Variants in SYNE1 observed in about 807,000 individuals in gnomAD.
The protein encoded by SYNE1 is nesprin-1.
SYNE1 carries 616 observed loss-of-function variants against 1,111.0 expected under a neutral mutation model. That is an observed-to-expected ratio of 0.55 (90% CI 0.52 to 0.59). The LOEUF (loss-of-function observed/expected upper bound fraction) is 0.59. SYNE1 is among the 20% of genes least tolerant of loss of function. The pLI is 0.00. For missense variants in SYNE1, 10,006 were observed against 10,417.0 expected, an observed-to-expected ratio of 0.96 and a Z score of 1.72; for synonymous variants, 3,855 against 3,825.8, an observed-to-expected ratio of 1.01 and a Z score of -0.28.
chr6:152,409,681 A>G lies in SYNE1; in HGVS notation c.6259T>C (p.Leu2087=). The change falls in exon 43 of 146, where the codon TTA becomes CTA. Residue 2087 remains leucine (L), a synonymous_variant. Transcript: ENST00000367255. ...TTCAGGTTCTGATATTCTCTCATTA[A>G]GTCAATAAGTCCACAGCACTGACCC... ...NQGQCCGLID[L]MREYQNLKSA... The G allele has an allele frequency of 6.2e-7, 1 of 1,613,800 alleles. No homozygotes were observed. The highest frequency in any genetic ancestry group is 1.3e-5 in the African/African-American group (1 of 75,050).
Position 152,430,631 on chromosome 6 carries a change from C to A in SYNE1, c.4540G>T (p.Val1514Phe). ...ATTCGAGCAGATTCTCCAGTGGTAACAAACTGAGCAAAAGACTGGGCTTCT... is the reference window on the plus strand; with the variant it reads ...ATTCGAGCAGATTCTCCAGTGGTAAAAAACTGAGCAAAAGACTGGGCTTCT... ...EEEAQSFAQF[V>F]TTGESARIKA... The change falls in exon 35 of 146, where the codon GTT becomes TTT. Residue 1514 changes from valine to phenylalanine, a missense_variant. Coordinates refer to ENST00000367255, the MANE Select transcript of SYNE1 (RefSeq NM_182961.4). 6.2e-7 allele frequency: 1 copy of A among 1,614,136 alleles called. No individual in the cohort carries two copies.
chr6:152,390,369 G>T lies in SYNE1; in HGVS notation c.8088C>A (p.Asn2696Lys). ...GKGEQALRSSNKEGQRVIQTQ... is the reference protein window; with the variant it reads ...GKGEQALRSSKKEGQRVIQTQ... The stretch of plus-strand genomic sequence containing the variant: ...TCTGAATCACCCTCTGACCTTCTTT[G>T]TTGCTACTTCTCAAGGCCTGTTCCC... The change falls in exon 53 of 146, where the codon AAC becomes AAA. Residue 2696 changes from asparagine to lysine, a missense_variant. Asn to Lys is a moderately conservative substitution (Grantham distance 94). This residue lies in a region of SYNE1 where 4,955 missense variants were observed against 5,017.2 expected (regional missense o/e 0.99). Transcript: ENST00000367255. The T allele has an allele frequency of 6.2e-7, 1 of 1,614,066 alleles. No homozygotes were observed. The highest frequency in any genetic ancestry group is 8.5e-7 in the Non-Finnish European group (1 of 1,180,002).
chr6:152,330,646 AT>A lies in SYNE1; in HGVS notation c.14038del (p.Ile4680LeufsTer3). The A allele has an allele frequency of 6.2e-7, 1 of 1,613,762 alleles. No individual in the cohort carries two copies. The highest frequency in any genetic ancestry group is 8.5e-7 in the Non-Finnish European group (1 of 1,180,000). On this transcript the variant is annotated frameshift_variant, in exon 78 of 146. Transcript: ENST00000367255. LOFTEE classifies it high-confidence loss of function. ...ACTCAGAGACTGGGTTGTCAACTCA[AT>A]CAAGGAAGCATATTCCTTCCGAGCA... Reference protein sequence around the residue: ...ILARKEYASLIELTTQSLSEL... With the variant: ...ILARKEYASLXELTTQSLSEL...
At chr6:152,462,293 T>C (rs2098738823) in intron 20 of SYNE1, among the ~76,000 whole-genome samples, 1 of 152,222 alleles carries the variant, frequency 6.6e-6, no homozygotes, top group South Asian at 2.1e-4. Context: ...AATGATACTG[T>C]TGTTTGCTTT....
chr6:152,275,909 A>C (rs943561789), intron 98 of SYNE1, among the ~76,000 whole-genome samples: 3 of 151,276 alleles, frequency 2.0e-5, no homozygotes, highest in African/African-American at 4.9e-5. Context: ...AAAAATCCAC[A>C]CACATATATG....
chr6:152,375,001 C>T (rs12193296), intron 58 of SYNE1, among the ~76,000 whole-genome samples: 76,022 of 151,302 alleles, frequency 0.5, 19,201 homozygotes, highest in Non-Finnish European at 0.54. Context: ...AGTGCAGTGG[C>T]GCAATCTTGG....
intron 104 of SYNE1, among the ~76,000 whole-genome samples, chr6:152,253,779 T>TAGTG (rs1200586328): frequency 1.4e-5 from 2 of 148,108 alleles, no homozygotes; most frequent in Non-Finnish European, 3.0e-5. Context: ...GAAAATTCCA[T>TAGTG]GTTTCTTGGC....
chr6:152,622,873 A>G (rs1412790477), intron 3 of SYNE1, among the ~76,000 whole-genome samples: 2 of 152,006 alleles, frequency 1.3e-5, no homozygotes, highest in Admixed American at 6.6e-5. Flanking sequence ...ACTAATTTAC[A>G]CTCCCACCAA....
Position 152,447,281 on chromosome 6 carries a change from C to T in SYNE1, c.3669+177G>A, listed in dbSNP as rs546137750. ...ATTTCCAATAATGGCACAGACCATA[C>T]ATCAAACATCCTCTTCATCTTTCCC... On this transcript the variant is annotated intron_variant, in intron 29 of 145. Transcript: ENST00000367255. 9.2e-5 allele frequency among the ~76,000 whole-genome samples: 14 copies of T among 152,308 alleles called. No individual in the cohort carries two copies. In the East Asian group the frequency reaches 1.5e-3, roughly 17 times the overall value.
chr6:152,501,413 G>A (rs1321737099), intron 10 of SYNE1, among the ~76,000 whole-genome samples: 1 of 152,126 alleles, frequency 6.6e-6, no homozygotes, highest in Non-Finnish European at 1.5e-5. Context: ...AATTTTGTAT[G>A]CCCTTTAGCC....
chr6:152,125,337 C>T, intron 145 of SYNE1: 1 of 1,550,314 alleles, frequency 6.5e-7, no homozygotes, highest in African/African-American at 1.4e-5. Context: ...CAAGTGGTTT[C>T]CTCGTGTCTA....
intron 3 of SYNE1, among the ~76,000 whole-genome samples, chr6:152,605,604 C>G (rs73019255): frequency 8.8e-4 from 134 of 152,274 alleles, no homozygotes; most frequent in Non-Finnish European, 1.7e-3. Flanking sequence ...GTCTGGTGAC[C>G]TGTACTTGAG....
At chr6:152,194,943 CAG>C (rs1379121108) in intron 127 of SYNE1, among the ~76,000 whole-genome samples, 1 of 151,684 alleles carries the variant, frequency 6.6e-6, no homozygotes, top group Non-Finnish European at 1.5e-5. Flanking sequence ...TTTTTTGAGA[CAG>C]AGTCTTGCTC....
rs1336188631 is a variant in SYNE1 at position 152,453,636 on chromosome 6, C to G, written c.2977G>C (p.Glu993Gln). ...DELTDILPEQ[E>Q]QQGLQEAVRK... ...ACAGCTTCCTGCAGCCCCTGCTGCT[C>G]CTGCTCTGGAAGGATGTCGGTGAGT... The change falls in exon 25 of 146, where the codon GAG (glutamate) becomes CAG (glutamine). Residue 993 changes from glutamate to glutamine, a missense_variant. By Grantham distance (29) the Glu-to-Gln change is conservative. This residue lies in a region of SYNE1 where 1,971 missense variants were observed against 2,084.1 expected (regional missense o/e 0.95). Coordinates refer to ENST00000367255, the MANE Select transcript of SYNE1 (RefSeq NM_182961.4). 1.2e-5 allele frequency: 20 copies of G among 1,614,158 alleles called. 1 individual carries two copies. The South Asian group carries it at 1.4e-4, about 12-fold the overall frequency.
chr6:152,218,297 G>T lies in SYNE1; in HGVS notation c.22151C>A (p.Ser7384Tyr). 1 of 1,614,148 alleles carries T rather than the reference G, an allele frequency of 6.2e-7. No individual in the cohort carries two copies. Among genetic ancestry groups the T allele is most frequent in the Non-Finnish European group, 8.5e-7 (1 of 1,180,000 alleles). ...ILQGQDPSHSSDLSTIQERME... is the reference protein window; with the variant it reads ...ILQGQDPSHSYDLSTIQERME... ...CCTTTCCTGGATTGTGGAGAGGTCA[G>T]ATGAGTGGCTAGGGTCCTGCCCTTG... Residue 7384 changes from serine to tyrosine, a missense_variant, in exon 121 of 146, where the codon TCT (serine) becomes TAT (tyrosine). Coordinates refer to ENST00000367255, the MANE Select transcript of SYNE1 (RefSeq NM_182961.4).
chr6:152,214,736 G>A (rs78096668), intron 122 of SYNE1, among the ~76,000 whole-genome samples, 170 bp downstream of exon 122: 1 of 152,208 alleles, frequency 6.6e-6, no homozygotes, highest in Non-Finnish European at 1.5e-5. Flanking sequence ...GCCCTCACCA[G>A]ACAACTGAAT....
intron 13 of SYNE1, 49 bp downstream of exon 13, chr6:152,484,786 C>A (rs757602857): frequency 3.1e-6 from 5 of 1,598,332 alleles, no homozygotes; most frequent in South Asian, 2.2e-5. Flanking sequence ...GAAAAATATT[C>A]TTTTCTAAAT....
In SYNE1 at chr6:152,326,387, T is replaced by C. The variant is rs139805184; in HGVS notation, c.15202A>G (p.Lys5068Glu). The C allele has an allele frequency of 1.3e-4, 209 of 1,614,228 alleles. No homozygotes were observed. Among genetic ancestry groups the C allele is most frequent in the Admixed American group, 2.7e-4 (16 of 60,022 alleles). Residue 5068 changes from lysine to glutamate, a missense_variant, in exon 79 of 146, where the codon AAA becomes GAA. This residue lies in a region of SYNE1 where 4,955 missense variants were observed against 5,017.2 expected (regional missense o/e 0.99). Coordinates refer to ENST00000367255, the MANE Select transcript of SYNE1 (RefSeq NM_182961.4). ...GCCACTTTCTGTTCTAGGTCTTCTT[T>C]GCCGGTTGGCTTGATGAGTGGGTCC... ...TLDPLIKPTG[K>E]EDLEQKVASL... is the part of the protein sequence containing the mutation.
rs146300279 is a variant in SYNE1, at chr6:152,430,684, T to C, written c.4487A>G (p.Lys1496Arg). 3.1e-6 allele frequency: 5 copies of C among 1,614,140 alleles called. No individual in the cohort carries two copies. The African/African-American group carries it at 5.3e-5, about 17-fold the overall frequency. ...IKVTIQEIES[K>R]LSSIVGLEEE... ...TTCTAATCCTACAATGCTGCTGAGCTTACTTTCTATTTCCTGAATTGTGAC... is the reference window on the plus strand; with the variant it reads ...TTCTAATCCTACAATGCTGCTGAGCCTACTTTCTATTTCCTGAATTGTGAC... Residue 1496 changes from lysine to arginine, a missense_variant, in exon 35 of 146, where the codon AAG becomes AGG. Coordinates refer to ENST00000367255, the MANE Select transcript of SYNE1 (RefSeq NM_182961.4).
Sources: allele counts gnomAD v4.1 joint callset (sites outside exome capture counted in the v4.1 genomes callset), GRCh38; gene constraint gnomAD v4.1.1; regional missense constraint gnomAD v4.1.1; transcripts MANE v1.5; gene names NCBI Gene and HGNC (gene_info 2026-07-23, HGNC 2026-07-21).